MSH4: variants seen among roughly 807,000 people sequenced by gnomAD.
MSH4 encodes mutS homolog 4, also known as mutS protein homolog 4.
MSH4 carries 106 observed loss-of-function variants against 113.7 expected under a neutral mutation model. The ratio of observed to expected loss-of-function variants is 0.93; its 90% confidence interval spans 0.80 to 1.10. The LOEUF (loss-of-function observed/expected upper bound fraction) is 1.10, where lower values mean the gene tolerates loss of function less well. Ranked by LOEUF, MSH4 falls within the 50% of genes least tolerant of loss-of-function variation. The pLI, the probability that MSH4 is intolerant of heterozygous loss-of-function variation, is 0.00. For synonymous variants in MSH4, 368 were observed against 380.2 expected (o/e 0.97, Z 0.37); for missense variants, 1,061 against 1,093.7 (o/e 0.97, Z 0.42).
In MSH4 at chr1:75,879,011, A is replaced by G. The variant is rs767433837; in HGVS notation, c.1560A>G (p.Gly520=). 2.0e-5 allele frequency: 32 copies of G among 1,608,704 alleles called. No homozygotes were observed. Among genetic ancestry groups the G allele is most frequent in the Non-Finnish European group, 2.6e-5 (31 of 1,176,658 alleles). ...DDIAGMISQL[G]EKYSLPLRTS... is the part of the protein sequence containing the mutation. ...CACCAGGAATGATATCACAACTTGG[A>G]GAAAAATATAGTCTACCTTTAAGGA... The change falls in exon 12 of 20, where the codon GGA becomes GGG. Residue 520 remains glycine (G), a synonymous_variant. Coordinates refer to ENST00000263187, the MANE Select transcript of MSH4 (RefSeq NM_002440.4).
In MSH4 at chr1:75,828,687, A is replaced by C. The variant is rs551484400; in HGVS notation, c.1162+6106A>C. Among the ~76,000 whole-genome samples the C allele has an allele frequency of 3.3e-5, 5 of 152,198 alleles. No individual in the cohort carries two copies. The South Asian group carries it at 6.2e-4, about 19-fold the overall frequency. On this transcript the variant is annotated intron_variant, in intron 7 of 19. Transcript: ENST00000263187. ...GGAGAGGAATGGGGCAAGGGTTCAA[A>C]ACTATTGGGTACTATGTTTACTATC...
At chr1:75,803,623 AG>A (rs1434102657) in intron 1 of MSH4, 107 bp from the exon 2 acceptor site, 43 of 858,998 alleles carry the variant, frequency 5.0e-5, no homozygotes, top group Non-Finnish European at 7.1e-5. Context: ...GTCTCAAAAA[AG>A]AAAAAAAGAA....
chr1:75,848,337 A>G, intron 8 of MSH4, 61 bp downstream of exon 8: 2 of 1,148,014 alleles, frequency 1.7e-6, no homozygotes, highest in Non-Finnish European at 2.6e-6. Flanking sequence ...AACTTGTCTT[A>G]ATGTAATGTA....
chr1:75,893,886 TTTGA>T lies in MSH4; in HGVS notation c.2355+3067_2355+3070del, dbSNP rs541540801. Among the ~76,000 whole-genome samples, 84 of 152,266 alleles carry T rather than the reference TTTGA, an allele frequency of 5.5e-4. 1 individual carries two copies. The highest frequency in any genetic ancestry group is 2.0e-3 in the African/African-American group (83 of 41,556). ...AAAGAGTTAGAAAGCGATCTAACAG[TTTGA>T]TTGACTGGCTGAAAAACAGACCAAA... On this transcript the variant is annotated intron_variant, in intron 17 of 19. Coordinates refer to ENST00000263187, the MANE Select transcript of MSH4 (RefSeq NM_002440.4).
intron 18 of MSH4, 112 bp from the exon 19 acceptor site, chr1:75,899,506 C>T (rs5745544): frequency 1.9e-6 from 1 of 528,460 alleles, no homozygotes; most frequent in Non-Finnish European, 3.3e-6. Context: ...TTCAGAAGTG[C>T]CTCTAGAAGG....
At chr1:75,809,452 A>T (rs5745353) in intron 3 of MSH4, among the ~76,000 whole-genome samples, 51,158 of 151,602 alleles carry the variant, frequency 0.34, 9,236 homozygotes, top group East Asian at 0.68. Context: ...AAAAGTTTTT[A>T]AAAAAAAGGA....
At position 75,803,784 on chromosome 1, in the gene MSH4, T is replaced by C; in HGVS notation, c.298T>C (p.Phe100Leu). ...TGCAGAAAACACAGTTGCATCAAAT[T>C]TTACTTTTGGTGCAAGCTCATCTTC... ...AYAENTVASN[F>L]TFGASSSSAR... The change falls in exon 2 of 20, where the codon TTT (phenylalanine) becomes CTT (leucine). Residue 100 changes from phenylalanine to leucine, a missense_variant. Physicochemically the swap from Phe to Leu is conservative, Grantham distance 22. Coordinates refer to ENST00000263187, the MANE Select transcript of MSH4 (RefSeq NM_002440.4). 22 of 1,602,434 alleles carry C rather than the reference T, an allele frequency of 1.4e-5. No individual in the cohort carries two copies. Among genetic ancestry groups the C allele is most frequent in the Non-Finnish European group, 1.9e-5 (22 of 1,176,258 alleles).
At chr1:75,899,349 C>G (rs1652457862) in intron 18 of MSH4, among the ~76,000 whole-genome samples, 1 of 152,102 alleles carries the variant, frequency 6.6e-6, no homozygotes, top group African/African-American at 2.4e-5. Flanking sequence ...CTAACTATCT[C>G]TTTTGTTCCT....
At chr1:75,880,204 G>A (rs1002903991) in intron 13 of MSH4, 51 bp downstream of exon 13, 2 of 950,432 alleles carry the variant, frequency 2.1e-6, no homozygotes, top group African/African-American at 3.4e-5. Context: ...TTTAATTTGA[G>A]AAACTGTTAC....
At position 75,822,590 on chromosome 1, in the gene MSH4, A is replaced by G. The variant is rs774603872; in HGVS notation, c.1162+9A>G. 1 of 1,278,414 alleles carries G rather than the reference A, an allele frequency of 7.8e-7. No homozygotes were observed. Among genetic ancestry groups the G allele is most frequent in the African/African-American group, 1.6e-5 (1 of 63,746 alleles). The allele number at this position is 1,278,414 out of a possible 1,614,324, so 79.2% of individuals were successfully genotyped here. On this transcript the variant is annotated intron_variant, in intron 7 of 19. Coordinates refer to ENST00000263187, the MANE Select transcript of MSH4 (RefSeq NM_002440.4). ...TTTTGGACTTCAATCAGGTAAATCA[A>G]TATTATTTAATATTATAAATACAAA...
At chr1:75,875,869 A>C (rs1651807066) in intron 9 of MSH4, among the ~76,000 whole-genome samples, 1 of 152,158 alleles carries the variant, frequency 6.6e-6, no homozygotes, top group African/African-American at 2.4e-5. Flanking sequence ...GGTAGCATAT[A>C]AATTCAGAGT....
intron 16 of MSH4, among the ~76,000 whole-genome samples, 168 bp downstream of exon 16, chr1:75,889,537 A>G (rs1652204251): frequency 6.6e-6 from 1 of 152,174 alleles, no homozygotes; most frequent in African/African-American, 2.4e-5. Flanking sequence ...TTATGTGGAA[A>G]TGGAAGACAA....
chr1:75,904,944 T>C (rs1441710999), intron 19 of MSH4, among the ~76,000 whole-genome samples: 1 of 152,028 alleles, frequency 6.6e-6, no homozygotes, highest in East Asian at 1.9e-4. Context: ...TTGTTATGTC[T>C]CCTTTTTCAT....
intron 6 of MSH4, among the ~76,000 whole-genome samples, chr1:75,820,094 G>T (rs1650377326): frequency 3.5e-5 from 5 of 142,392 alleles, no homozygotes; most frequent in Admixed American, 3.5e-4. Flanking sequence ...ATCAGAACAA[G>T]ATCATTATAG....
intron 5 of MSH4, among the ~76,000 whole-genome samples, chr1:75,815,717 T>C (rs1650279538): frequency 6.6e-6 from 1 of 152,212 alleles, no homozygotes; most frequent in Non-Finnish European, 1.5e-5. Context: ...CATTGAGATC[T>C]GATTCTACCG....
intron 7 of MSH4, among the ~76,000 whole-genome samples, chr1:75,826,482 T>C (rs1003523743): frequency 1.3e-5 from 2 of 152,144 alleles, no homozygotes; most frequent in African/African-American, 4.8e-5. Flanking sequence ...CTGATCTTAG[T>C]TATTTCTTGT....
At chr1:75,825,527 T>A (rs905606354) in intron 7 of MSH4, among the ~76,000 whole-genome samples, 2 of 152,168 alleles carry the variant, frequency 1.3e-5, no homozygotes, top group African/African-American at 4.8e-5. Context: ...AGAAAGGACA[T>A]CCTTGTCTTG....
intron 7 of MSH4, among the ~76,000 whole-genome samples, chr1:75,842,541 C>A (rs973420408): frequency 2.0e-5 from 3 of 152,184 alleles, no homozygotes; most frequent in Admixed American, 6.5e-5. Context: ...AGCAATTACT[C>A]TTTATTCCAA....
At chr1:75,870,634 T>C (rs555536029) in intron 9 of MSH4, among the ~76,000 whole-genome samples, 1 of 152,320 alleles carries the variant, frequency 6.6e-6, no homozygotes, top group African/African-American at 2.4e-5. Context: ...TCTTCTTGCC[T>C]GCTGCCATGT....
Sources: gnomAD v4.1 joint callset for allele counts (sites outside exome capture counted in the v4.1 genomes callset) on GRCh38, gnomAD v4.1.1 for gene constraint, MANE v1.5 for transcripts, NCBI Gene and HGNC (gene_info 2026-07-23, HGNC 2026-07-21) for gene names.